CAMK2G: variants seen among roughly 807,000 people sequenced by gnomAD.
CAMK2G encodes the protein calcium/calmodulin dependent protein kinase II gamma.
In CAMK2G, 23 loss-of-function variants were observed where a neutral mutation model predicts 88.7. The observed-to-expected ratio is 0.26, with a 90% confidence interval of 0.19 to 0.37. The LOEUF is 0.37. CAMK2G is among the 10% of genes least tolerant of loss of function. The probability of loss-of-function intolerance (pLI) is 1.00; values close to 1 mark genes in which losing one functional copy is unlikely to be tolerated. For synonymous variants in CAMK2G, 263 were observed against 294.8 expected (o/e 0.89, Z 1.11); for missense variants, 476 against 780.8 (o/e 0.61, Z 4.65).
chr10:73,820,484 A>ATTTT (rs1416596844), intron 18 of CAMK2G, among the ~76,000 whole-genome samples: 1 of 36,096 alleles, frequency 2.8e-5, no homozygotes, highest in African/African-American at 1.7e-4. Context: ...ATATATATAT[A>ATTTT]TATATATATT....
intron 3 of CAMK2G, among the ~76,000 whole-genome samples, chr10:73,854,548 G>T (rs529032639): frequency 6.6e-6 from 1 of 152,120 alleles, no homozygotes; most frequent in Admixed American, 6.5e-5. Context: ...GCAGTTACAG[G>T]TGCACCTCAT....
At position 73,839,667 on chromosome 10, in the gene CAMK2G, T is replaced by C. The variant is rs980671121; in HGVS notation, c.947-66A>G. The C allele has an allele frequency of 3.1e-5, 32 of 1,017,744 alleles. No individual in the cohort carries two copies. The highest frequency in any genetic ancestry group is 2.6e-4 in the Admixed American group (6 of 23,396). The allele number at this position is 1,017,744 out of a possible 1,614,324, so 63.0% of individuals were successfully genotyped here. On this transcript the variant is annotated intron_variant, in intron 12 of 22. Transcript: ENST00000423381. The surrounding 1 kb of genome is among the most constrained non-coding windows in gnomAD (Gnocchi z 4.2). ...GCCACGGGGCCGTCAGCAGCGAGCA[T>C]GCCCCAGCGCGAGGCGCAGCCCAGG...
chr10:73,871,693 C>T (rs2095837302), intron 2 of CAMK2G, among the ~76,000 whole-genome samples: 1 of 151,672 alleles, frequency 6.6e-6, no homozygotes. Context: ...ACTCAAGGTA[C>T]CCAGAGAGAA....
chr10:73,873,255 C>G, intron 1 of CAMK2G, 172 bp from the exon 2 acceptor site: 1 of 1,092,560 alleles, frequency 9.2e-7, no homozygotes, highest in Non-Finnish European at 1.3e-6. Flanking sequence ...CAAAAGGACG[C>G]GGCCACCGCA....
chr10:73,847,942 G>C, intron 9 of CAMK2G, 46 bp downstream of exon 9: 1 of 1,118,548 alleles, frequency 8.9e-7, no homozygotes, highest in Non-Finnish European at 1.4e-6. Context: ...GAGGAGCAAG[G>C]ACATCTGCCC....
At chr10:73,834,164 C>T (rs1035053244) in intron 14 of CAMK2G, among the ~76,000 whole-genome samples, 3 of 151,732 alleles carry the variant, frequency 2.0e-5, no homozygotes, top group East Asian at 1.9e-4. Flanking sequence ...GTGATCCACC[C>T]GCCTCGGCCT....
chr10:73,841,013 C>T (rs1379708646), intron 12 of CAMK2G, among the ~76,000 whole-genome samples: 1 of 152,174 alleles, frequency 6.6e-6, no homozygotes, highest in Admixed American at 6.5e-5. Flanking sequence ...CAAGATCAAG[C>T]CCCAAACCAG....
At chr10:73,824,191 A>G in intron 16 of CAMK2G, 107 bp from the exon 17 acceptor site, 1 of 769,324 alleles carries the variant, frequency 1.3e-6, no homozygotes, top group East Asian at 2.6e-5. Flanking sequence ...TATGATGACC[A>G]CTGAGGCCTG....
intron 15 of CAMK2G, 74 bp from the exon 16 acceptor site, chr10:73,825,421 C>T: frequency 8.5e-7 from 1 of 1,174,120 alleles, no homozygotes; most frequent in South Asian, 1.2e-5. Context: ...CCAGACCTCC[C>T]TTGCCCCCTG....
chr10:73,841,902 A>G (rs2093816592), intron 12 of CAMK2G: 2 of 481,968 alleles, frequency 4.1e-6, no homozygotes, highest in South Asian at 2.4e-5. Context: ...GTTAAATAAG[A>G]ATCCAGAGAA....
In CAMK2G at chr10:73,853,325, C is replaced by A. The variant is rs1346585302; in HGVS notation, c.221-79G>T. The stretch of plus-strand genomic sequence containing the variant: ...TAGGCTTCTCCTCAGCAGCCCCACC[C>A]CTGCCCCATCCTGTCGGGCTCACAG... On this transcript the variant is annotated intron_variant, in intron 3 of 22. Transcript: ENST00000423381. The A allele has an allele frequency of 4.7e-6, 6 of 1,266,394 alleles. No homozygotes were observed. In the African/African-American group the frequency reaches 5.9e-5, roughly 12 times the overall value. The allele number at this position is 1,266,394 out of a possible 1,614,324, so 78.4% of individuals were successfully genotyped here. A position where few individuals can be genotyped will look rare whatever the true frequency, so the allele number is the denominator to read the frequency against.
At chr10:73,820,790 C>T (rs1036819288) in intron 18 of CAMK2G, among the ~76,000 whole-genome samples, 4 of 150,334 alleles carry the variant, frequency 2.7e-5, no homozygotes, top group Non-Finnish European at 4.4e-5. Context: ...CTCCCACCTC[C>T]GCCTCCCGAG....
intron 21 of CAMK2G, 185 bp downstream of exon 21, chr10:73,816,838 C>T: frequency 6.4e-7 from 1 of 1,568,626 alleles, no homozygotes; most frequent in Non-Finnish European, 8.6e-7. Flanking sequence ...AGCTCAGGAG[C>T]AGGGCCTTCA....
intron 19 of CAMK2G, 103 bp downstream of exon 19, chr10:73,819,428 AC>A (rs2133244624): frequency 1.3e-6 from 1 of 799,232 alleles, no homozygotes; most frequent in Non-Finnish European, 2.1e-6. Flanking sequence ...AGAGCTTACT[AC>A]CACGGGCAGG....
chr10:73,827,268 G>T (rs538356925), intron 15 of CAMK2G, among the ~76,000 whole-genome samples: 3 of 152,212 alleles, frequency 2.0e-5, no homozygotes, highest in African/African-American at 7.2e-5. Context: ...CTCACTGCAA[G>T]CTCCGCCTCC....
Position 73,813,291 on chromosome 10 carries a change from G to GT in CAMK2G, c.*1226dup, listed in dbSNP as rs2084605010. On this transcript the variant is annotated 3_prime_UTR_variant, in exon 23 of 23. Coordinates refer to ENST00000423381, the MANE Select transcript of CAMK2G (RefSeq NM_001367534.1). ...TGATGCCCATGCAGATTGTCCAGCA[G>GT]TAAGTCTATACTTCAGTTGGTCAGT... 6.5e-6 allele frequency: 1 copy of GT among 152,722 alleles called. No individual in the cohort carries two copies. The highest frequency in any genetic ancestry group is 6.5e-5 in the Admixed American group (1 of 15,290). 9.5% of individuals were successfully genotyped at this position (152,722 alleles called of 1,614,324 possible).
intron 15 of CAMK2G, among the ~76,000 whole-genome samples, chr10:73,825,704 A>C (rs2090710383): frequency 6.6e-6 from 1 of 152,256 alleles, no homozygotes; most frequent in African/African-American, 2.4e-5. Context: ...GGGGTAGTTT[A>C]TAAGAAAGCA....
chr10:73,817,432 C>T, intron 20 of CAMK2G, 47 bp downstream of exon 20: 1 of 1,282,044 alleles, frequency 7.8e-7, no homozygotes, highest in East Asian at 2.3e-5. Flanking sequence ...GCAGGGAAGG[C>T]CTTGGGAGAT....
chr10:73,817,182 T>A (rs1403677575), intron 20 of CAMK2G, 65 bp from the exon 21 acceptor site: 2 of 1,544,080 alleles, frequency 1.3e-6, no homozygotes, highest in African/African-American at 1.4e-5. Flanking sequence ...TCCTTCCTTA[T>A]CAGCGGTGTC....
Sources: gnomAD v4.1 joint callset for allele counts (sites outside exome capture counted in the v4.1 genomes callset) on GRCh38, gnomAD v4.1.1 for gene constraint, Gnocchi (gnomAD v3.1) non-coding constraint, MANE v1.5 for transcripts, NCBI Gene and HGNC (gene_info 2026-07-23, HGNC 2026-07-21) for gene names.